ASTN2: variants seen among roughly 807,000 people sequenced by gnomAD.
ASTN2 encodes astrotactin 2.
ASTN2 carries 54 observed loss-of-function variants against 139.8 expected under a neutral mutation model. The ratio of observed to expected loss-of-function variants is 0.39; its 90% confidence interval spans 0.31 to 0.48. The LOEUF is 0.48. ASTN2 is among the 20% of genes least tolerant of loss of function. The probability of loss-of-function intolerance (pLI) is 0.95; values close to 1 mark genes in which losing one functional copy is unlikely to be tolerated. For missense variants in ASTN2, 1,565 were observed against 1,725.1 expected (o/e 0.91, Z 1.64); for synonymous variants, 756 against 719.5 (o/e 1.05, Z -0.81).
intron 19 of ASTN2, among the ~76,000 whole-genome samples, chr9:116,567,500 G>T (rs58037465): frequency 0.16 from 24,111 of 152,098 alleles, 2,077 homozygotes; most frequent in African/African-American, 0.21. Flanking sequence ...CTGGGTTCAG[G>T]GGGTGGATAG....
intron 4 of ASTN2, among the ~76,000 whole-genome samples, chr9:117,127,093 C>G (rs1297269377): frequency 2.0e-5 from 3 of 152,190 alleles, no homozygotes; most frequent in African/African-American, 7.2e-5. Flanking sequence ...GCTGGGACCA[C>G]AGATGCTGAT....
At chr9:116,484,636 C>T (rs930055702) in intron 20 of ASTN2, among the ~76,000 whole-genome samples, 4 of 152,170 alleles carry the variant, frequency 2.6e-5, no homozygotes, top group African/African-American at 9.7e-5. Flanking sequence ...GGTTCCTGGT[C>T]AGAGCGGCCC....
chr9:116,646,491 A>C (rs1197924542), intron 17 of ASTN2, among the ~76,000 whole-genome samples: 1 of 152,078 alleles, frequency 6.6e-6, no homozygotes, highest in African/African-American at 2.4e-5. Context: ...TGATAAACAA[A>C]ACGAGAGTAG....
At chr9:116,757,441 G>C (rs1829562766) in intron 13 of ASTN2, among the ~76,000 whole-genome samples, 1 of 152,184 alleles carries the variant, frequency 6.6e-6, no homozygotes, top group African/African-American at 2.4e-5. Context: ...CAGGGTGTGA[G>C]ATATGTGGGT....
intron 5 of ASTN2, among the ~76,000 whole-genome samples, chr9:117,063,439 T>C (rs934201197): frequency 1.3e-5 from 2 of 152,206 alleles, no homozygotes; most frequent in Non-Finnish European, 2.9e-5. Context: ...ATCTGATGGT[T>C]TGATAAGGGG....
chr9:116,690,795 C>T (rs1403772130), intron 16 of ASTN2, among the ~76,000 whole-genome samples: 1 of 152,148 alleles, frequency 6.6e-6, no homozygotes, highest in African/African-American at 2.4e-5. Context: ...ATCACACTTA[C>T]TTTACATGGT....
At chr9:116,619,006 G>A (rs1885242) in intron 18 of ASTN2, among the ~76,000 whole-genome samples, 60,704 of 151,770 alleles carry the variant, frequency 0.4, 13,084 homozygotes, top group Admixed American at 0.51. Context: ...AGATGATGAA[G>A]TTTAATTCCC....
At position 116,531,321 on chromosome 9, in the gene ASTN2, A is replaced by G. The variant is rs554060295; in HGVS notation, c.3356-43821T>C. 2.0e-5 allele frequency among the ~76,000 whole-genome samples: 3 copies of G among 152,292 alleles called. No individual in the cohort carries two copies. In the East Asian group the frequency reaches 5.8e-4, roughly 29 times the overall value. On this transcript the variant is annotated intron_variant, in intron 19 of 22. Transcript: ENST00000313400. The stretch of plus-strand genomic sequence containing the variant: ...GGCAATAGGGCATAATCACAATTCT[A>G]AAGTTCTTTTGACATATGATACAGA...
At chr9:116,498,429 CAAAAAA>C in intron 19 of ASTN2, among the ~76,000 whole-genome samples, 1 of 124,190 alleles carries the variant, frequency 8.1e-6, no homozygotes, top group East Asian at 2.7e-4. Flanking sequence ...TAAAAAAAAA[CAAAAAA>C]CAAAAAACAA....
intron 13 of ASTN2, among the ~76,000 whole-genome samples, chr9:116,756,525 C>T (rs1564250318): frequency 6.6e-6 from 1 of 152,106 alleles, no homozygotes; most frequent in Admixed American, 6.5e-5. Context: ...CCAAGTCTAA[C>T]AGATTTCCAT....
chr9:116,653,706 T>C (rs1323366604), intron 16 of ASTN2, among the ~76,000 whole-genome samples: 1 of 152,200 alleles, frequency 6.6e-6, no homozygotes, highest in Non-Finnish European at 1.5e-5. Flanking sequence ...GTTCTAGGCT[T>C]GTAGTGACAT....
At chr9:116,629,794 G>A (rs1261593903) in intron 17 of ASTN2, among the ~76,000 whole-genome samples, 2 of 152,106 alleles carry the variant, frequency 1.3e-5, no homozygotes, top group African/African-American at 4.8e-5. Flanking sequence ...AAGACATTTA[G>A]AACCAGCCAA....
chr9:117,332,580 A>AAACAAAC (rs1554720475), intron 1 of ASTN2, among the ~76,000 whole-genome samples: 26 of 152,176 alleles, frequency 1.7e-4, no homozygotes, highest in African/African-American at 6.3e-4. Flanking sequence ...ACAAACAAAC[A>AAACAAAC]AACAACAACA....
intron 17 of ASTN2, among the ~76,000 whole-genome samples, chr9:116,624,036 G>T (rs1252043266): frequency 1.3e-5 from 2 of 152,064 alleles, no homozygotes; most frequent in African/African-American, 2.4e-5. Flanking sequence ...TGTACTTAAT[G>T]GCTACATTTG....
intron 1 of ASTN2, among the ~76,000 whole-genome samples, chr9:117,357,718 C>T (rs1317158381): frequency 6.6e-6 from 1 of 152,114 alleles, no homozygotes; most frequent in Admixed American, 6.5e-5. Flanking sequence ...TATATCATGC[C>T]TAACTTAAAT....
At chr9:117,257,850 T>C (rs145706389) in intron 2 of ASTN2, among the ~76,000 whole-genome samples, 1 of 152,356 alleles carries the variant, frequency 6.6e-6, no homozygotes, top group East Asian at 1.9e-4. Context: ...TTGTAGTCAT[T>C]GCTCTGCCCT....
chr9:117,153,757 A>G (rs1042112907), intron 3 of ASTN2, among the ~76,000 whole-genome samples: 1 of 152,114 alleles, frequency 6.6e-6, no homozygotes, highest in Non-Finnish European at 1.5e-5. Flanking sequence ...AGGATGATCC[A>G]AGAATTGACA....
intron 2 of ASTN2, among the ~76,000 whole-genome samples, chr9:117,261,259 A>T (rs1055762138): frequency 2.0e-5 from 3 of 152,200 alleles, no homozygotes; most frequent in African/African-American, 7.2e-5. Context: ...TTGTTTACAA[A>T]TAGAGACTAG....
intron 16 of ASTN2, among the ~76,000 whole-genome samples, chr9:116,678,140 T>C (rs940577719): frequency 3.3e-5 from 5 of 152,212 alleles, no homozygotes; most frequent in Non-Finnish European, 5.9e-5. Context: ...ATATAGACAC[T>C]TGTTCTAAAT....
Sources: gnomAD v4.1 joint callset for allele counts (sites outside exome capture counted in the v4.1 genomes callset) on GRCh38, gnomAD v4.1.1 for gene constraint, MANE v1.5 for transcripts, NCBI Gene and HGNC (gene_info 2026-07-23, HGNC 2026-07-21) for gene names.